SUGP1: variants seen among roughly 807,000 people sequenced by gnomAD.
SUGP1 encodes SURP and G-patch domain containing 1.
SUGP1 carries 34 observed loss-of-function variants against 76.5 expected under a neutral mutation model. That is an observed-to-expected ratio of 0.44 (90% CI 0.34 to 0.59). The LOEUF is 0.59. Ranked by LOEUF, SUGP1 falls within the 20% of genes least tolerant of loss-of-function variation. SUGP1 has a pLI of 0.01. For synonymous variants in SUGP1, 326 were observed against 326.2 expected (o/e 1.00, Z 0.01); for missense variants, 752 against 851.7 (o/e 0.88, Z 1.46).
chr19:19,316,648 A>G (rs887555637), intron 1 of SUGP1, 55 bp from the exon 2 acceptor site: 3 of 1,593,370 alleles, frequency 1.9e-6, no homozygotes, highest in Non-Finnish European at 2.6e-6. Context: ...AAACACCCCA[A>G]GAAGCTGTGA....
chr19:19,312,643 G>T (rs1172186226), intron 2 of SUGP1, among the ~76,000 whole-genome samples: 2 of 152,152 alleles, frequency 1.3e-5, no homozygotes, highest in Non-Finnish European at 2.9e-5. Flanking sequence ...AGGGAAGATG[G>T]GGCAGCCCTG....
In SUGP1 at chr19:19,316,511, G is replaced by A. The variant is rs139366608; in HGVS notation, c.117C>T (p.Ile39=). ...CTTCAATTTCCCGTTTCTTCTGAGC[G>A]ATGAGCTCTTCCTGGTGAAGGATGT... ...NMNILHQEEL[I]AQKKREIEAK... is the part of the protein sequence containing the mutation. Residue 39 remains isoleucine (I), a synonymous_variant, in exon 2 of 14, where the codon ATC becomes ATT. Transcript: ENST00000247001. The A allele has an allele frequency of 4.2e-5, 68 of 1,613,884 alleles. 1 individual carries two copies. The highest frequency in any genetic ancestry group is 3.0e-4 in the South Asian group (27 of 91,072).
At chr19:19,278,637 C>T in intron 11 of SUGP1, 53 bp downstream of exon 11, 2 of 1,521,348 alleles carry the variant, frequency 1.3e-6, no homozygotes, top group Non-Finnish European at 1.8e-6. Flanking sequence ...GAGGCAGCTA[C>T]AGGAGGGGCT....
intron 7 of SUGP1, among the ~76,000 whole-genome samples, chr19:19,298,624 C>A (rs1227576899): frequency 6.6e-6 from 1 of 152,180 alleles, no homozygotes; most frequent in African/African-American, 2.4e-5. Context: ...CAGGAGATGA[C>A]AGCATCTTCT....
intron 8 of SUGP1, chr19:19,280,585 A>C (rs956493610): frequency 1.0e-5 from 4 of 382,530 alleles, no homozygotes; most frequent in Admixed American, 7.7e-5. Flanking sequence ...TCAGGGTCAC[A>C]CAGCTAACGA....
intron 1 of SUGP1, among the ~76,000 whole-genome samples, chr19:19,318,099 C>G (rs1460609472): frequency 6.8e-6 from 1 of 146,218 alleles, no homozygotes; most frequent in Non-Finnish European, 1.5e-5. Context: ...GCGTGAGCCA[C>G]CGAACCCAGC....
Position 19,316,618 on chromosome 19 carries a change from G to A in SUGP1, c.35-25C>T, listed in dbSNP as rs372482958. On this transcript the variant is annotated intron_variant, in intron 1 of 13. Transcript: ENST00000247001. ...CCTGGGGAGGGAAAAGGAGTACGTC[G>A]GAAATCACCCTTACTCCACAAACAC... 3.0e-5 allele frequency: 48 copies of A among 1,612,138 alleles called. No homozygotes were observed. In the East Asian group the frequency reaches 4.7e-4, roughly 16 times the overall value.
chr19:19,318,320 A>T (rs1246037614), intron 1 of SUGP1, among the ~76,000 whole-genome samples: 1 of 150,462 alleles, frequency 6.6e-6, no homozygotes, highest in Non-Finnish European at 1.5e-5. Flanking sequence ...GGGCTTCACC[A>T]TGTTGGCCAG....
At chr19:19,284,892 T>A (rs1040230129) in intron 8 of SUGP1, among the ~76,000 whole-genome samples, 13 of 150,754 alleles carry the variant, frequency 8.6e-5, no homozygotes, top group South Asian at 2.1e-4. Context: ...TTTTTTTTTT[T>A]AGATGGAGTC....
chr19:19,288,257 C>G (rs560917516), intron 8 of SUGP1, among the ~76,000 whole-genome samples: 1 of 152,094 alleles, frequency 6.6e-6, no homozygotes, highest in Non-Finnish European at 1.5e-5. Context: ...CCTCAAATTC[C>G]TGGACTCGTG....
rs192891004 is a variant in SUGP1, at chr19:19,312,420, T to C, written c.207-2220A>G. Among the ~76,000 whole-genome samples the C allele has an allele frequency of 6.9e-3, 1,044 of 152,276 alleles. 2 individuals are homozygous for C. Among genetic ancestry groups the C allele is most frequent in the South Asian group, 0.02 (98 of 4,822 alleles). ...TTCCTACTGTAGCACACCATCCTGC[T>C]CCAATCTCAAATTCCTCACATACGC... On this transcript the variant is annotated intron_variant, in intron 2 of 13. Transcript: ENST00000247001.
At chr19:19,320,411 A>G in intron 1 of SUGP1, 52 bp downstream of exon 1, 3 of 1,595,538 alleles carry the variant, frequency 1.9e-6, no homozygotes, top group Non-Finnish European at 2.6e-6. Flanking sequence ...CAGGGGAGAC[A>G]CCTAGCCCCA....
rs891610880 is a variant in SUGP1, at chr19:19,303,816, T to G, written c.570A>C (p.Lys190Asn). Reference protein sequence around the residue: ...VSPPEGAETRKVIEKLARFVA... With the variant: ...VSPPEGAETRNVIEKLARFVA... ...CAAAGCGGGCCAATTTCTCTATCACTTTCCGAGTCTCGGCTCCCTCTGGGG... is the reference window on the plus strand; with the variant it reads ...CAAAGCGGGCCAATTTCTCTATCACGTTCCGAGTCTCGGCTCCCTCTGGGG... The change falls in exon 5 of 14, where the codon AAA becomes AAC. Residue 190 changes from lysine (K) to asparagine (N), a missense_variant. This residue lies in a region of SUGP1 where 620 missense variants were observed against 617.3 expected (regional missense o/e 1.00). Transcript: ENST00000247001. The G allele has an allele frequency of 5.6e-6, 9 of 1,614,196 alleles. No homozygotes were observed. Among genetic ancestry groups the G allele is most frequent in the Non-Finnish European group, 6.8e-6 (8 of 1,180,048 alleles).
At chr19:19,282,921 C>CA (rs1267785838) in intron 8 of SUGP1, among the ~76,000 whole-genome samples, 1 of 151,964 alleles carries the variant, frequency 6.6e-6, no homozygotes, top group South Asian at 2.1e-4. Flanking sequence ...ACTAAAAATA[C>CA]AAAAAATTAG....
At chr19:19,320,439 C>T (rs753929780) in intron 1 of SUGP1, 24 bp downstream of exon 1, 4 of 1,607,750 alleles carry the variant, frequency 2.5e-6, no homozygotes, top group South Asian at 2.2e-5. Context: ...AGGCGGCCGC[C>T]TGAGAGGAGG....
At chr19:19,297,509 C>A (rs746419620) in intron 7 of SUGP1, among the ~76,000 whole-genome samples, 165 bp from the exon 8 acceptor site, 2 of 152,002 alleles carry the variant, frequency 1.3e-5, no homozygotes, top group African/African-American at 2.4e-5. Flanking sequence ...GCCAGGCCTC[C>A]TGGCAGTGAC....
chr19:19,309,706 C>A (rs925830185), intron 3 of SUGP1, among the ~76,000 whole-genome samples: 1 of 152,104 alleles, frequency 6.6e-6, no homozygotes, highest in Non-Finnish European at 1.5e-5. Flanking sequence ...GTCAGGAGAT[C>A]GAGACCATCC....
At chr19:19,301,676 C>T (rs2043284574) in intron 7 of SUGP1, 1 of 152,980 alleles carries the variant, frequency 6.5e-6, no homozygotes, top group African/African-American at 2.4e-5. Context: ...GAGCAAGTGC[C>T]AAACCCACCC....
chr19:19,320,404 G>A (rs1417140570), intron 1 of SUGP1, 59 bp downstream of exon 1: 5 of 1,583,548 alleles, frequency 3.2e-6, no homozygotes, highest in Admixed American at 1.8e-5. Context: ...GAGGAGTCAG[G>A]GGAGACACCT....
Sources: gnomAD v4.1 joint callset for allele counts (sites outside exome capture counted in the v4.1 genomes callset) on GRCh38, gnomAD v4.1.1 for gene constraint, gnomAD v4.1.1 regional missense constraint, MANE v1.5 for transcripts, NCBI Gene and HGNC (gene_info 2026-07-23, HGNC 2026-07-21) for gene names.